Variants in KAT14 observed in about 807,000 individuals in gnomAD.
The protein encoded by KAT14 is lysine acetyltransferase 14, also known as cysteine-rich protein 2-binding protein.
Under a neutral mutation model 78.4 loss-of-function variants are expected in KAT14, and 66 were observed. The observed-to-expected ratio is 0.84, with a 90% CI of 0.69 to 1.03. The LOEUF is 1.03. KAT14 is among the 50% of genes least tolerant of loss of function. KAT14 has a pLI of 0.00. For missense variants in KAT14, 870 were observed against 972.5 expected, an observed-to-expected ratio of 0.89 and a Z score of 1.40; for synonymous variants, 344 against 359.4, an observed-to-expected ratio of 0.96 and a Z score of 0.48.
At chr20:18,186,430 A>G (rs6081026) in intron 10 of KAT14, among the ~76,000 whole-genome samples, 47,610 of 152,156 alleles carry the variant, frequency 0.31, 8,293 homozygotes, top group Non-Finnish European at 0.41. Flanking sequence ...AAAAATGCCT[A>G]TGGATACACA....
chr20:18,147,579 T>TA (rs1327116862), intron 3 of KAT14, among the ~76,000 whole-genome samples: 2 of 152,098 alleles, frequency 1.3e-5, no homozygotes, highest in East Asian at 1.9e-4. Context: ...TTATTCTTTT[T>TA]AAAAAAAAAT....
chr20:18,148,632 G>A (rs1406713918), intron 3 of KAT14, among the ~76,000 whole-genome samples: 1 of 146,196 alleles, frequency 6.8e-6, no homozygotes, highest in Non-Finnish European at 1.5e-5. Context: ...TTTTTGAGAT[G>A]GAGTTTCACT....
At chr20:18,175,378 A>G (rs888017382) in intron 7 of KAT14, among the ~76,000 whole-genome samples, 1 of 151,906 alleles carries the variant, frequency 6.6e-6, no homozygotes, top group Non-Finnish European at 1.5e-5. Context: ...GCAGCGATCT[A>G]CCTCTCCCAG....
intron 5 of KAT14, among the ~76,000 whole-genome samples, chr20:18,159,917 T>C (rs527505886): frequency 5.3e-5 from 8 of 152,344 alleles, no homozygotes; most frequent in Non-Finnish European, 1.2e-4. Context: ...TGTTTGCTTG[T>C]TTGTTTATTT....
intron 5 of KAT14, among the ~76,000 whole-genome samples, chr20:18,161,056 C>T (rs2038401711): frequency 1.3e-5 from 2 of 152,062 alleles, no homozygotes; most frequent in South Asian, 4.2e-4. Flanking sequence ...TGCCTGTAAT[C>T]CCAGCTTCTC....
intron 5 of KAT14, among the ~76,000 whole-genome samples, chr20:18,161,069 G>A (rs1487250181): frequency 6.6e-6 from 1 of 151,920 alleles, no homozygotes; most frequent in Admixed American, 6.6e-5. Flanking sequence ...AGCTTCTCTG[G>A]AGGCTGAGGC....
chr20:18,177,809 G>T (rs1010928732), intron 7 of KAT14, among the ~76,000 whole-genome samples: 1 of 152,150 alleles, frequency 6.6e-6, no homozygotes, highest in Non-Finnish European at 1.5e-5. Context: ...AATTGTACAT[G>T]TTCTGTTAGT....
intron 7 of KAT14, among the ~76,000 whole-genome samples, chr20:18,171,068 A>G (rs2038828020): frequency 6.6e-6 from 1 of 152,214 alleles, no homozygotes; most frequent in African/African-American, 2.4e-5. Context: ...CTGGGCAAAG[A>G]CATTGAAAAC....
intron 7 of KAT14, among the ~76,000 whole-genome samples, chr20:18,179,736 C>T (rs934366966): frequency 3.3e-5 from 5 of 152,226 alleles, no homozygotes; most frequent in African/African-American, 1.2e-4. Flanking sequence ...TAAATTTCTG[C>T]AGCCAGCTTG....
chr20:18,143,481 T>C (rs936240654), intron 2 of KAT14, among the ~76,000 whole-genome samples: 1 of 151,898 alleles, frequency 6.6e-6, no homozygotes, highest in African/African-American at 2.4e-5. Flanking sequence ...CTTTTTTTTT[T>C]TTGAGATGGA....
At position 18,142,189 on chromosome 20, in the gene KAT14, C is replaced by T. The variant is rs2037612728; in HGVS notation, c.-453-19C>T. 2 of 1,534,084 alleles carry T rather than the reference C, an allele frequency of 1.3e-6. No homozygotes were observed. The highest frequency in any genetic ancestry group is 2.4e-5 in the South Asian group (2 of 83,722). ...CACCTGTTCGGGATGTTACTGAAAT[C>T]TGTTTCTTACGTTTTTAGAGGCTTC... is the stretch of plus-strand genomic sequence containing the variant. On this transcript the variant is annotated intron_variant, in intron 1 of 10. Coordinates refer to ENST00000688188, the MANE Select transcript of KAT14 (RefSeq NM_001392073.1).
chr20:18,155,862 A>G (rs569666008), intron 4 of KAT14, among the ~76,000 whole-genome samples: 1 of 152,320 alleles, frequency 6.6e-6, no homozygotes, highest in South Asian at 2.1e-4. Context: ...TATAATGATC[A>G]TATGATCTGG....
chr20:18,174,658 C>CTT (rs901687403), intron 7 of KAT14, among the ~76,000 whole-genome samples: 2 of 128,340 alleles, frequency 1.6e-5, no homozygotes, highest in Admixed American at 9.2e-5. Flanking sequence ...TGTTTTCTTG[C>CTT]TTTTTTTTTT....
chr20:18,138,499 C>T (rs138097863), intron 1 of KAT14: 7 of 977,770 alleles, frequency 7.2e-6, no homozygotes, highest in Non-Finnish European at 8.5e-6. Flanking sequence ...TCCCTCCTGG[C>T]CCAAGGTTGG....
Position 18,162,125 on chromosome 20 carries a change from C to T in KAT14, c.985C>T (p.Pro329Ser). 6.2e-7 allele frequency: 1 copy of T among 1,614,238 alleles called. No individual in the cohort carries two copies. Among genetic ancestry groups the T allele is most frequent in the Non-Finnish European group, 8.5e-7 (1 of 1,180,048 alleles). ...RTPLTSPSPS[P>S]SLDFSAPGTP... ...CCCGCTGACAAGCCCATCTCCTTCT[C>T]CTTCTCTGGATTTCTCTGCCCCTGG... Residue 329 changes from proline to serine, a missense_variant, in exon 6 of 11, where the codon CCT (proline) becomes TCT (serine). By Grantham distance (74) the Pro-to-Ser change is moderately conservative. Coordinates refer to ENST00000688188, the MANE Select transcript of KAT14 (RefSeq NM_001392073.1).
chr20:18,146,320 C>T lies in KAT14; in HGVS notation c.378+969C>T, dbSNP rs185167158. On this transcript the variant is annotated intron_variant, in intron 3 of 10. Transcript: ENST00000688188. ...TTGGGAGGCGGAGGCGGCCAGATCA[C>T]CTGAGCTCAGGAGACAAGCCTGGGC... Among the ~76,000 whole-genome samples the T allele has an allele frequency of 1.7e-3, 257 of 152,264 alleles. 1 individual carries two copies. Among genetic ancestry groups the T allele is most frequent in the African/African-American group, 5.9e-3 (246 of 41,532 alleles).
At position 18,145,281 on chromosome 20, in the gene KAT14, G is replaced by C. The variant is rs778983221; in HGVS notation, c.308G>C (p.Arg103Thr). Residue 103 changes from arginine to threonine, a missense_variant, in exon 3 of 11, where the codon AGG becomes ACG. Coordinates refer to ENST00000688188, the MANE Select transcript of KAT14 (RefSeq NM_001392073.1). ...TACCTTAAGGGTGATAATTTTTTTA[G>C]GTTTACTTGTTCGGATTGCTCAGCA... The part of the protein sequence containing the change: ...LSYLKGDNFF[R>T]FTCSDCSADG... 3.7e-5 allele frequency: 60 copies of C among 1,614,042 alleles called. No homozygotes were observed. The East Asian group carries it at 1.3e-3, about 35-fold the overall frequency.
At chr20:18,156,138 A>G (rs1295589234) in intron 4 of KAT14, among the ~76,000 whole-genome samples, 1 of 152,220 alleles carries the variant, frequency 6.6e-6, no homozygotes, top group Non-Finnish European at 1.5e-5. Flanking sequence ...ACCAATCACA[A>G]GAAAACAAAC....
At chr20:18,151,965 T>C (rs938681286) in intron 4 of KAT14, among the ~76,000 whole-genome samples, 2 of 147,834 alleles carry the variant, frequency 1.4e-5, no homozygotes, top group African/African-American at 5.0e-5. Flanking sequence ...ATTGCGCCAT[T>C]GCACTCCAGC....
Sources: allele counts gnomAD v4.1 joint callset (sites outside exome capture counted in the v4.1 genomes callset), GRCh38; gene constraint gnomAD v4.1.1; transcripts MANE v1.5; gene names NCBI Gene and HGNC (gene_info 2026-07-23, HGNC 2026-07-21).